MDGA2: variants seen among roughly 807,000 people sequenced by gnomAD.
The protein encoded by MDGA2 is MAM domain-containing glycosylphosphatidylinositol anchor protein 2.
MDGA2 carries 40 observed loss-of-function variants against 117.8 expected under a neutral mutation model. The observed-to-expected ratio is 0.34, with a 90% CI of 0.26 to 0.44. MDGA2 has a LOEUF of 0.44. Ranked by LOEUF, MDGA2 falls within the 20% of genes least tolerant of loss-of-function variation. The probability of loss-of-function intolerance (pLI) is 1.00; values close to 1 mark genes in which losing one functional copy is unlikely to be tolerated. For missense variants in MDGA2, 1,123 were observed against 1,250.6 expected (o/e 0.90, Z 1.54); for synonymous variants, 452 against 439.0 (o/e 1.03, Z -0.37).
intron 4 of MDGA2, among the ~76,000 whole-genome samples, chr14:47,136,869 A>G (rs1882483728): frequency 6.6e-6 from 1 of 152,230 alleles, no homozygotes; most frequent in African/African-American, 2.4e-5. Context: ...ACATTAGGGT[A>G]GCCTGCAAGA....
chr14:46,933,233 T>C (rs1156478601), intron 9 of MDGA2, among the ~76,000 whole-genome samples: 5 of 152,014 alleles, frequency 3.3e-5, no homozygotes, highest in African/African-American at 9.7e-5. Context: ...TGAGTAGAGT[T>C]CTGTCATAGA....
chr14:46,972,438 T>A (rs1440166837), intron 8 of MDGA2, among the ~76,000 whole-genome samples: 1 of 152,138 alleles, frequency 6.6e-6, no homozygotes, highest in Non-Finnish European at 1.5e-5. Flanking sequence ...AGGATTGAGA[T>A]GGCCAACATT....
At chr14:47,155,885 C>CTTTTTTTT (rs1883353082) in intron 3 of MDGA2, among the ~76,000 whole-genome samples, 1 of 80,440 alleles carries the variant, frequency 1.2e-5, no homozygotes, top group African/African-American at 4.4e-5. Context: ...TCTTCTTCTT[C>CTTTTTTTT]TTCTTTTTTT....
chr14:47,448,160 AT>A (rs886791645), intron 1 of MDGA2, among the ~76,000 whole-genome samples: 1 of 150,032 alleles, frequency 6.7e-6, no homozygotes, highest in African/African-American at 2.4e-5. Flanking sequence ...ATTTTATTTT[AT>A]TTTTTTTCAG....
chr14:47,640,124 A>G (rs1251609603), intron 1 of MDGA2, among the ~76,000 whole-genome samples: 1 of 152,150 alleles, frequency 6.6e-6, no homozygotes, highest in East Asian at 1.9e-4. Context: ...TTAATGCACA[A>G]CATGGTCACA....
intron 1 of MDGA2, among the ~76,000 whole-genome samples, chr14:47,381,958 AC>A (rs1891640188): frequency 6.6e-6 from 1 of 152,340 alleles, no homozygotes; most frequent in Non-Finnish European, 1.5e-5. Flanking sequence ...CTGACTTCAA[AC>A]TATACTACAA....
intron 1 of MDGA2, among the ~76,000 whole-genome samples, chr14:47,454,797 C>A (rs1782775986): frequency 6.6e-6 from 1 of 152,154 alleles, no homozygotes; most frequent in African/African-American, 2.4e-5. Context: ...AGGATGTCTG[C>A]AGACCTGGAA....
At chr14:47,538,888 CATT>C (rs1464801723) in intron 1 of MDGA2, among the ~76,000 whole-genome samples, 9 of 152,096 alleles carry the variant, frequency 5.9e-5, no homozygotes, top group Non-Finnish European at 8.8e-5. Context: ...AATCAGGGCT[CATT>C]ATATATCTCA....
chr14:47,184,400 A>C (rs1884830204), intron 3 of MDGA2, among the ~76,000 whole-genome samples: 1 of 151,928 alleles, frequency 6.6e-6, no homozygotes, highest in African/African-American at 2.4e-5. Context: ...CCATGTAGTT[A>C]ACCGGAAATC....
chr14:47,436,005 C>T (rs1169324580), intron 1 of MDGA2, among the ~76,000 whole-genome samples: 12 of 152,050 alleles, frequency 7.9e-5, no homozygotes, highest in Non-Finnish European at 1.5e-5. Context: ...AAGCTGGTCG[C>T]TTTTAGTCAG....
intron 1 of MDGA2, among the ~76,000 whole-genome samples, chr14:47,448,419 C>A (rs988137518): frequency 6.6e-6 from 1 of 152,020 alleles, no homozygotes. Flanking sequence ...GGATTACAGG[C>A]GTGAGATACT....
rs1029291667 is a variant in MDGA2, at chr14:47,367,039, G to C, written c.281-65489C>G. On this transcript the variant is annotated intron_variant, in intron 1 of 16. Transcript: ENST00000399232. ...CCATAGACTAATCATCTGTCATCAA[G>C]TAAAAGACTGACAGTAGTGAATAAA... Among the ~76,000 whole-genome samples, 6 of 152,144 alleles carry C rather than the reference G, an allele frequency of 3.9e-5. No homozygotes were observed. In the East Asian group the frequency reaches 1.2e-3, roughly 29 times the overall value.
chr14:47,636,844 T>C (rs1264783567), intron 1 of MDGA2, among the ~76,000 whole-genome samples: 3 of 130,434 alleles, frequency 2.3e-5, no homozygotes, highest in Non-Finnish European at 4.7e-5. Context: ...TGGTGGAGCG[T>C]GCCTGTAATC....
intron 10 of MDGA2, among the ~76,000 whole-genome samples, chr14:46,919,436 A>T (rs1454287401): frequency 1.3e-5 from 2 of 152,264 alleles, no homozygotes; most frequent in Admixed American, 1.3e-4. Context: ...TGAATTTAAC[A>T]TTTTAACCCT....
At chr14:47,337,990 C>G (rs1890511338) in intron 1 of MDGA2, among the ~76,000 whole-genome samples, 2 of 151,962 alleles carry the variant, frequency 1.3e-5, no homozygotes, top group Non-Finnish European at 2.9e-5. Flanking sequence ...ACTGCAGTTG[C>G]TACTACATAG....
chr14:47,448,785 T>A (rs528630632), intron 1 of MDGA2, among the ~76,000 whole-genome samples: 17 of 152,160 alleles, frequency 1.1e-4, no homozygotes, highest in Admixed American at 7.9e-4. Context: ...TGGTCAAAAG[T>A]TTCAGTGGTC....
At chr14:46,929,597 G>A (rs192665906) in intron 9 of MDGA2, among the ~76,000 whole-genome samples, 8 of 15,446 alleles carry the variant, frequency 5.2e-4, no homozygotes, top group Non-Finnish European at 5.0e-4. Context: ...GTGTGTGTGT[G>A]TGTGTATATA....
intron 1 of MDGA2, among the ~76,000 whole-genome samples, chr14:47,506,692 C>T (rs899489416): frequency 8.5e-5 from 13 of 152,274 alleles, no homozygotes; most frequent in Non-Finnish European, 1.3e-4. Flanking sequence ...ATATAAAATA[C>T]ACACAGGAAT....
At chr14:46,953,176 A>G (rs373299917) in intron 9 of MDGA2, among the ~76,000 whole-genome samples, 64 of 151,978 alleles carry the variant, frequency 4.2e-4, no homozygotes, top group Non-Finnish European at 8.0e-4. Flanking sequence ...CACACTTAGT[A>G]AGTAGAGAGT....
Sources: allele counts gnomAD v4.1 joint callset (sites outside exome capture counted in the v4.1 genomes callset), GRCh38; gene constraint gnomAD v4.1.1; transcripts MANE v1.5; gene names NCBI Gene and HGNC (gene_info 2026-07-23, HGNC 2026-07-21).